The following TNR variants were observed in gnomAD, a reference collection of about 807,000 sequenced individuals.
TNR encodes tenascin R.
In TNR, 45 loss-of-function variants were observed where a neutral mutation model predicts 150.4. The ratio of observed to expected loss-of-function variants is 0.30; its 90% CI spans 0.24 to 0.38. TNR has a LOEUF of 0.38. Ranked by LOEUF, TNR falls within the 10% of genes least tolerant of loss-of-function variation. The pLI is 1.00. For missense variants in TNR, 1,544 were observed against 1,759.1 expected, an observed-to-expected ratio of 0.88 and a Z score of 2.19; for synonymous variants, 687 against 678.4, an observed-to-expected ratio of 1.01 and a Z score of -0.20.
At chr1:175,658,811 A>G (rs1311387872) in intron 1 of TNR, among the ~76,000 whole-genome samples, 2 of 152,160 alleles carry the variant, frequency 1.3e-5, no homozygotes, top group South Asian at 4.1e-4. Context: ...TCTTTTGCCA[A>G]TCCCTGGATC....
chr1:175,476,650 A>C (rs1657555352), intron 2 of TNR, among the ~76,000 whole-genome samples: 1 of 152,234 alleles, frequency 6.6e-6, no homozygotes, highest in Non-Finnish European at 1.5e-5. Context: ...AAAACCTAAC[A>C]GTCTCTTCAG....
intron 11 of TNR, 44 bp from the exon 12 acceptor site, chr1:175,365,323 A>G (rs1405311673): frequency 1.9e-6 from 3 of 1,550,354 alleles, no homozygotes; most frequent in Non-Finnish European, 2.6e-6. Context: ...ACGTGAGGAG[A>G]TGGGTCACTG....
chr1:175,688,275 T>C (rs1666258960), intron 1 of TNR, among the ~76,000 whole-genome samples: 1 of 152,210 alleles, frequency 6.6e-6, no homozygotes. Flanking sequence ...GCTCCTGTGC[T>C]TCTCATTAGG....
intron 8 of TNR, among the ~76,000 whole-genome samples, chr1:175,380,563 T>C (rs971771964): frequency 1.7e-4 from 26 of 150,598 alleles, no homozygotes; most frequent in African/African-American, 6.1e-4. Context: ...AGAGTGAGAC[T>C]CTGTCTCCAA....
rs55692516 is a variant in TNR, at chr1:175,627,191, G to A, written c.-164-98822C>T. Among the ~76,000 whole-genome samples, 1,300 of 152,318 alleles carry A rather than the reference G, an allele frequency of 8.5e-3. 10 individuals are homozygous for A. The highest frequency in any genetic ancestry group is 0.017 in the Middle Eastern group (5 of 294). On this transcript the variant is annotated intron_variant, in intron 1 of 22. Coordinates refer to ENST00000367674, the MANE Select transcript of TNR (RefSeq NM_003285.3). ...GCTGCCTCTTGGGCATATAACTTGT[G>A]ATTGACATGGCAAGAGGACAAAGCA...
intron 1 of TNR, among the ~76,000 whole-genome samples, chr1:175,731,074 G>A (rs1328714728): frequency 1.3e-5 from 2 of 152,188 alleles, no homozygotes; most frequent in African/African-American, 2.4e-5. Flanking sequence ...GGACCTGAGA[G>A]GCCTGGTGCC....
chr1:175,434,091 A>G (rs1282217623), intron 2 of TNR, among the ~76,000 whole-genome samples: 2 of 152,174 alleles, frequency 1.3e-5, no homozygotes, highest in African/African-American at 4.8e-5. Flanking sequence ...GTCCCAAGGA[A>G]CCAGCATGCA....
chr1:175,420,153 C>A (rs574731436), intron 2 of TNR, among the ~76,000 whole-genome samples: 1 of 152,216 alleles, frequency 6.6e-6, no homozygotes, highest in Non-Finnish European at 1.5e-5. Context: ...ACCCACATCT[C>A]TCACCTCTTT....
At chr1:175,530,157 C>T (rs1439665015) in intron 1 of TNR, among the ~76,000 whole-genome samples, 1 of 152,188 alleles carries the variant, frequency 6.6e-6, no homozygotes, top group Non-Finnish European at 1.5e-5. Flanking sequence ...TGGTAAGTAT[C>T]CTTCCACACT....
chr1:175,379,356 CA>C (rs1367645863), intron 9 of TNR, among the ~76,000 whole-genome samples, 195 bp downstream of exon 9: 2 of 151,844 alleles, frequency 1.3e-5, no homozygotes, highest in Non-Finnish European at 2.9e-5. Flanking sequence ...GATTCCGTCT[CA>C]AAAAAAGGAG....
At chr1:175,593,610 A>G (rs972109827) in intron 1 of TNR, among the ~76,000 whole-genome samples, 13 of 152,148 alleles carry the variant, frequency 8.5e-5, no homozygotes, top group Non-Finnish European at 1.5e-4. Context: ...CCTCATCACT[A>G]TGAGCTTCCT....
intron 9 of TNR, among the ~76,000 whole-genome samples, chr1:175,368,661 C>T (rs2236884): frequency 0.5 from 75,939 of 152,110 alleles, 19,397 homozygotes; most frequent in East Asian, 0.61. Context: ...TAGAAAAACC[C>T]AACAAAGGCA....
At chr1:175,366,755 G>T (rs1651858499) in intron 10 of TNR, among the ~76,000 whole-genome samples, 1 of 152,242 alleles carries the variant, frequency 6.6e-6, no homozygotes, top group South Asian at 2.1e-4. Flanking sequence ...AGCAGCAAGG[G>T]TCTCAGCTGG....
At chr1:175,457,975 G>A (rs116563887) in intron 2 of TNR, among the ~76,000 whole-genome samples, 24 of 152,278 alleles carry the variant, frequency 1.6e-4, no homozygotes, top group East Asian at 5.8e-4. Context: ...AGTGAGTATC[G>A]TTAACCAAAT....
intron 1 of TNR, among the ~76,000 whole-genome samples, chr1:175,555,926 T>G (rs1338579655): frequency 6.6e-6 from 1 of 152,190 alleles, no homozygotes; most frequent in East Asian, 1.9e-4. Flanking sequence ...ATGAATCTGT[T>G]GTTCAATGAT....
intron 9 of TNR, among the ~76,000 whole-genome samples, chr1:175,368,889 C>T (rs1243201384): frequency 6.6e-6 from 1 of 152,128 alleles, no homozygotes; most frequent in Non-Finnish European, 1.5e-5. Context: ...GCTGAGGTTG[C>T]AGTGAGCCAA....
intron 9 of TNR, 124 bp from the exon 10 acceptor site, chr1:175,367,421 C>T (rs561361891): frequency 2.5e-5 from 20 of 786,916 alleles, no homozygotes; most frequent in Non-Finnish European, 3.6e-5. Context: ...CTTGAATCCT[C>T]TCCTAATTTG....
At chr1:175,564,347 C>G (rs1260195344) in intron 1 of TNR, among the ~76,000 whole-genome samples, 2 of 152,200 alleles carry the variant, frequency 1.3e-5, no homozygotes, top group Admixed American at 1.3e-4. Context: ...CCCTCATTAG[C>G]ATTCAGTTGT....
At chr1:175,665,566 A>G (rs73033391) in intron 1 of TNR, among the ~76,000 whole-genome samples, 2,446 of 152,346 alleles carry the variant, frequency 0.016, 55 homozygotes, top group African/African-American at 0.056. Flanking sequence ...GAGCAGCCAC[A>G]CAGAGCTGTG....
Sources: allele counts gnomAD v4.1 joint callset (sites outside exome capture counted in the v4.1 genomes callset), GRCh38; gene constraint gnomAD v4.1.1; transcripts MANE v1.5; gene names NCBI Gene and HGNC (gene_info 2026-07-23, HGNC 2026-07-21).